MMP28: variants seen among roughly 807,000 people sequenced by gnomAD.
The protein encoded by MMP28 is matrix metalloproteinase-28.
MMP28 carries 55 observed loss-of-function variants against 60.5 expected under a neutral mutation model. The observed-to-expected ratio is 0.91, with a 90% CI of 0.73 to 1.14. The LOEUF (loss-of-function observed/expected upper bound fraction) is 1.14. Ranked by LOEUF, MMP28 falls within the 50% of genes most tolerant of loss-of-function variation. MMP28 has a pLI of 0.00. For missense variants in MMP28, 686 were observed against 738.3 expected (o/e 0.93, Z 0.82); for synonymous variants, 318 against 312.5 (o/e 1.02, Z -0.18).
intron 1 of MMP28, among the ~76,000 whole-genome samples, chr17:35,781,210 T>G (rs1053926592): frequency 6.6e-6 from 1 of 152,192 alleles, no homozygotes; most frequent in Admixed American, 6.5e-5. Context: ...GTTTTAGTCC[T>G]GCTGATGGAT....
intron 1 of MMP28, among the ~76,000 whole-genome samples, chr17:35,793,421 A>G (rs1460346509): frequency 2.0e-5 from 3 of 152,152 alleles, no homozygotes; most frequent in Non-Finnish European, 2.9e-5. Flanking sequence ...TGGGGCTGCA[A>G]AGACTCTGTA....
At chr17:35,782,766 G>A (rs749933431) in intron 1 of MMP28, among the ~76,000 whole-genome samples, 2 of 152,168 alleles carry the variant, frequency 1.3e-5, no homozygotes, top group Admixed American at 6.5e-5. Context: ...ACCAGGTTTG[G>A]GAATGAAAAT....
chr17:35,785,739 G>A (rs958515820), intron 1 of MMP28, among the ~76,000 whole-genome samples: 9 of 152,098 alleles, frequency 5.9e-5, no homozygotes. Flanking sequence ...GAGCCACCGC[G>A]CCCAGCCAGG....
intron 5 of MMP28, 40 bp from the exon 6 acceptor site, chr17:35,768,419 T>C (rs2143197490): frequency 6.5e-7 from 1 of 1,532,630 alleles, no homozygotes. Context: ...AGAACACACA[T>C]AGGGTAGAGG....
chr17:35,779,263 G>C lies in MMP28; in HGVS notation c.172C>G (p.Arg58Gly), dbSNP rs749225885. 2.5e-6 allele frequency: 4 copies of C among 1,613,030 alleles called. No homozygotes were observed. The highest frequency in any genetic ancestry group is 2.2e-5 in the South Asian group (2 of 90,748). Residue 58 changes from arginine to glycine, a missense_variant, in exon 2 of 8, where the codon CGA (arginine) becomes GGA (glycine). By Grantham distance (125) the Arg-to-Gly change is moderately radical. Transcript: ENST00000605424. ...EQVPKAPTST[R>G]FSDAIRAFQW... Reference sequence around the variant, plus strand: ...CCCTACCTGATGGCATCGCTGAATCGAGTGGAGGTGGGAGCTTTGGGGACC... The same window carrying C: ...CCCTACCTGATGGCATCGCTGAATCCAGTGGAGGTGGGAGCTTTGGGGACC...
At position 35,767,899 on chromosome 17, in the gene MMP28, T is replaced by C; in HGVS notation, c.1021A>G (p.Ile341Val). ...TCCCAGAAATGGCTCCCTTTAAAAA[T>C]GTACAGTTGCTGTTGCCTGTCTGCC... The part of the protein sequence containing the change: ...ITVDRQQQLY[I>V]FKGSHFWEVA... The change falls in exon 7 of 8, where the codon ATT becomes GTT. Residue 341 changes from isoleucine (I) to valine (V), a missense_variant. By Grantham distance (29) the Ile-to-Val change is conservative (BLOSUM62 3). Transcript: ENST00000605424. The C allele has an allele frequency of 1.3e-6, 2 of 1,596,886 alleles. No individual in the cohort carries two copies. The highest frequency in any genetic ancestry group is 1.1e-5 in the South Asian group (1 of 88,458).
Position 35,758,526 on chromosome 17 carries a change from T to C in MMP28, c.266-2107A>G, listed in dbSNP as rs782750289. On this transcript the variant is annotated intron_variant, in intron 2 of 2. Transcript: ENST00000615317. Reference sequence around the variant, plus strand: ...GGCCAACAGGGTGAAACCCCGTCTCTACTAAGAATCCAAAAATTAGCCGGA... The same window carrying C: ...GGCCAACAGGGTGAAACCCCGTCTCCACTAAGAATCCAAAAATTAGCCGGA... 8.8e-4 allele frequency among the ~76,000 whole-genome samples: 134 copies of C among 151,990 alleles called. 1 individual carries two copies. Among genetic ancestry groups the C allele is most frequent in the Non-Finnish European group, 3.5e-4 (24 of 68,010 alleles).
chr17:35,768,815 G>GA (rs889461811), intron 5 of MMP28, among the ~76,000 whole-genome samples: 112 of 147,148 alleles, frequency 7.6e-4, no homozygotes, highest in African/African-American at 2.2e-3. Flanking sequence ...GTCTCAAAAA[G>GA]AAAAAAAAAA....
At chr17:35,774,823 C>G (rs2086276777) in intron 3 of MMP28, among the ~76,000 whole-genome samples, 1 of 152,216 alleles carries the variant, frequency 6.6e-6, no homozygotes, top group African/African-American at 2.4e-5. Context: ...AGAGGGAAGA[C>G]CTGGGGTCCA....
At chr17:35,771,743 ATATATATAT>A (rs2086159614) in intron 4 of MMP28, among the ~76,000 whole-genome samples, 1 of 80,268 alleles carries the variant, frequency 1.2e-5, no homozygotes, top group African/African-American at 4.8e-5. Context: ...ATATATATAT[ATATATATAT>A]ATAAAATTGT....
chr17:35,787,899 C>CTTTTTTTTTTTTTT (rs532350874), intron 1 of MMP28, among the ~76,000 whole-genome samples: 7 of 104,414 alleles, frequency 6.7e-5, no homozygotes, highest in Non-Finnish European at 1.1e-4. Flanking sequence ...TTTTCTTTCC[C>CTTTTTTTTTTTTTT]TTTTTTTTTT....
At position 35,766,806 on chromosome 17, in the gene MMP28, G is replaced by T. The variant is rs200933511; in HGVS notation, c.1257C>A (p.Asp419Glu). ...GCAGAGGAGGGAAGAAGAGGGCGGC[G>T]TCAGGATGGCGGGGCAGGCCCCCTG... is the stretch of plus-strand genomic sequence containing the variant. ...CRAGGLPRHP[D>E]AALFFPPLRR... is the part of the protein sequence containing the mutation. The change falls in exon 8 of 8, where the codon GAC becomes GAA. Residue 419 changes from aspartate (D) to glutamate (E), a missense_variant. By Grantham distance (45) the Asp-to-Glu change is conservative. Transcript: ENST00000605424. The surrounding 1 kb of genome is among the most constrained non-coding windows in gnomAD (Gnocchi z 4.3). 1 of 1,573,718 alleles carries T rather than the reference G, an allele frequency of 6.4e-7. No individual in the cohort carries two copies. Among genetic ancestry groups the T allele is most frequent in the African/African-American group, 1.3e-5 (1 of 74,104 alleles).
exon 3 of MMP28, chr17:35,756,268 A>T: frequency 2.7e-6 from 1 of 364,492 alleles, no homozygotes; most frequent in Non-Finnish European, 3.8e-6. Context: ...AGAAATGTTT[A>T]TTTCCCTCTC....
At position 35,766,785 on chromosome 17, in the gene MMP28, A is replaced by T. The variant is rs1555603484; in HGVS notation, c.1278T>A (p.Pro426=). The part of the protein sequence containing the change: ...RHPDAALFFP[P]LRRLILFKGA... ...CCTTGAAGAGGATGAGGCGGCGCAG[A>T]GGAGGGAAGAAGAGGGCGGCGTCAG... is the stretch of plus-strand genomic sequence containing the variant. Residue 426 remains proline (P), a synonymous_variant, in exon 8 of 8, where the codon CCT becomes CCA. Transcript: ENST00000605424. This position sits in a 1 kb window ranked among gnomAD's most constrained non-coding sequence, Gnocchi z 4.3. 2 of 1,574,882 alleles carry T rather than the reference A, an allele frequency of 1.3e-6. No homozygotes were observed. The highest frequency in any genetic ancestry group is 1.7e-6 in the Non-Finnish European group (2 of 1,161,000).
intron 3 of MMP28, among the ~76,000 whole-genome samples, chr17:35,774,410 T>C (rs1008347422): frequency 6.6e-6 from 1 of 152,208 alleles, no homozygotes; most frequent in Admixed American, 6.5e-5. Context: ...ACAAGGGGCC[T>C]GCCCAGGGTC....
At chr17:35,792,046 T>G (rs2086828934) in intron 1 of MMP28, among the ~76,000 whole-genome samples, 1 of 152,080 alleles carries the variant, frequency 6.6e-6, no homozygotes, top group African/African-American at 2.4e-5. Context: ...TCAGGAATTG[T>G]CTCCAAGCAA....
chr17:35,781,330 G>A (rs1195796737), intron 1 of MMP28, among the ~76,000 whole-genome samples: 1 of 152,188 alleles, frequency 6.6e-6, no homozygotes, highest in Non-Finnish European at 1.5e-5. Context: ...AGATGGGGGT[G>A]CGTGGGTTTA....
chr17:35,791,814 C>G (rs1179951239), intron 1 of MMP28, among the ~76,000 whole-genome samples: 1 of 152,156 alleles, frequency 6.6e-6, no homozygotes, highest in Non-Finnish European at 1.5e-5. Flanking sequence ...CTCTGGTAAG[C>G]ATCACACAGT....
downstream of MMP28, among the ~76,000 whole-genome samples, chr17:35,762,441 A>T (rs1233188897): frequency 6.6e-6 from 1 of 152,130 alleles, no homozygotes; most frequent in Non-Finnish European, 1.5e-5. Flanking sequence ...GGCGGCGGAC[A>T]CCTTCTAGGG....
Sources: allele counts gnomAD v4.1 joint callset (sites outside exome capture counted in the v4.1 genomes callset), GRCh38; gene constraint gnomAD v4.1.1; non-coding constraint Gnocchi (gnomAD v3.1); transcripts MANE v1.5; gene names NCBI Gene and HGNC (gene_info 2026-07-23, HGNC 2026-07-21).